ANKRD36: variants seen among roughly 807,000 people sequenced by gnomAD.
The protein encoded by ANKRD36 is ankyrin repeat domain 36.
ANKRD36 carries 179 observed loss-of-function variants against 278.1 expected under a neutral mutation model. The ratio of observed to expected loss-of-function variants is 0.64; its 90% CI spans 0.57 to 0.73. The LOEUF is 0.73. ANKRD36 is among the 30% of genes least tolerant of loss of function. The pLI is 0.00. For missense variants in ANKRD36, 1,159 were observed against 1,956.7 expected, an observed-to-expected ratio of 0.59 and a Z score of 7.69; for synonymous variants, 320 against 641.1, an observed-to-expected ratio of 0.50 and a Z score of 7.57.
intron 6 of ANKRD36, among the ~76,000 whole-genome samples, chr2:97,142,033 T>G (rs2043024725): frequency 6.6e-6 from 1 of 152,278 alleles, no homozygotes; most frequent in African/African-American, 2.4e-5. Context: ...ACAAGAAACT[T>G]GGGCAATTAT....
At chr2:97,191,587 A>G (rs2058524574) in intron 36 of ANKRD36, among the ~76,000 whole-genome samples, 1 of 151,680 alleles carries the variant, frequency 6.6e-6, no homozygotes, top group African/African-American at 2.4e-5. Flanking sequence ...GACACTGTAG[A>G]AGGAGACCTA....
intron 32 of ANKRD36, among the ~76,000 whole-genome samples, chr2:97,188,419 G>A (rs371329217): frequency 6.6e-6 from 1 of 151,600 alleles, no homozygotes. Context: ...GATATATTAT[G>A]CTTTGGTGCC....
chr2:97,122,841 T>A (rs1306043941), intron 3 of ANKRD36, 46 bp from the exon 4 acceptor site: 1 of 1,496,418 alleles, frequency 6.7e-7, no homozygotes, highest in African/African-American at 1.4e-5. Flanking sequence ...GTTCAGTTGA[T>A]AAATATGTAA....
In ANKRD36 at chr2:97,204,734, A is replaced by G. The variant is rs1575866320; in HGVS notation, c.3061+471A>G. Among the ~76,000 whole-genome samples, 5 of 151,788 alleles carry G rather than the reference A, an allele frequency of 3.3e-5. No individual in the cohort carries two copies. In the South Asian group the frequency reaches 1.0e-3, roughly 32 times the overall value. ...AAGGAAGACGGATTGTGAGGCAGGA[A>G]GGTGTGAAAAGAGGAAGTCATTTAT... On this transcript the variant is annotated intron_variant, in intron 50 of 75. Coordinates refer to ENST00000420699, the MANE Select transcript of ANKRD36 (RefSeq NM_001354587.1).
chr2:97,212,716 G>A (rs1316607246), intron 58 of ANKRD36: 1 of 156,078 alleles, frequency 6.4e-6, no homozygotes, highest in Non-Finnish European at 1.4e-5. Context: ...GTCAACATTG[G>A]TAATTGATGA....
At chr2:97,149,938 A>G (rs1161913760) in intron 12 of ANKRD36, among the ~76,000 whole-genome samples, 3 of 151,772 alleles carry the variant, frequency 2.0e-5, no homozygotes, top group Non-Finnish European at 4.4e-5. Flanking sequence ...TTAACTAGAC[A>G]TGGTATCATG....
intron 66 of ANKRD36, among the ~76,000 whole-genome samples, chr2:97,223,223 C>G (rs1285854566): frequency 6.7e-6 from 1 of 150,350 alleles, no homozygotes; most frequent in Non-Finnish European, 1.5e-5. Flanking sequence ...GCCTCAGCCC[C>G]CTGAGTAGCT....
Position 97,134,712 on chromosome 2 carries a change from T to G in ANKRD36, c.799+7578T>G, listed in dbSNP as rs527542042. Among the ~76,000 whole-genome samples the G allele has an allele frequency of 2.6e-4, 40 of 152,092 alleles. No homozygotes were observed. In the East Asian group the frequency reaches 4.2e-3, roughly 16 times the overall value. On this transcript the variant is annotated intron_variant, in intron 6 of 75. Transcript: ENST00000420699. Reference sequence around the variant, plus strand: ...TGTTGTTGTTTTTCCCACTAGGTAGTGAGACAACTGTTGGCACATCTTGGT... The same window carrying G: ...TGTTGTTGTTTTTCCCACTAGGTAGGGAGACAACTGTTGGCACATCTTGGT...
chr2:97,208,862 A>C (rs1408733345), intron 54 of ANKRD36, among the ~76,000 whole-genome samples: 1 of 146,890 alleles, frequency 6.8e-6, no homozygotes, highest in Non-Finnish European at 1.5e-5. Flanking sequence ...GTTGAATTCT[A>C]ATTAACTCCT....
intron 44 of ANKRD36, among the ~76,000 whole-genome samples, chr2:97,199,209 G>T (rs1214364787): frequency 5.8e-4 from 88 of 151,910 alleles, no homozygotes; most frequent in Non-Finnish European, 9.3e-4. Flanking sequence ...CAGATGCATT[G>T]GGAATATTTC....
At position 97,194,897 on chromosome 2, in the gene ANKRD36, A is replaced by G. The variant is rs1351345620; in HGVS notation, c.2531A>G (p.Asp844Gly). ...TCGAATATAACCAGAGGAAAAAAGGATGGAGAAATATCTAGGAAAGGTAAT... is the reference window on the plus strand; with the variant it reads ...TCGAATATAACCAGAGGAAAAAAGGGTGGAGAAATATCTAGGAAAGGTAAT... ...SFSNITRGKK[D>G]GEISRKVSSQ... The change falls in exon 40 of 76, where the codon GAT (aspartate) becomes GGT (glycine). Residue 844 changes from aspartate (D) to glycine (G), a missense_variant. Physicochemically the swap from Asp to Gly is moderately conservative, Grantham distance 94. Transcript: ENST00000420699. 2 of 1,558,424 alleles carry G rather than the reference A, an allele frequency of 1.3e-6. No individual in the cohort carries two copies. Among genetic ancestry groups the G allele is most frequent in the Non-Finnish European group, 1.7e-6 (2 of 1,156,306 alleles).
rs1408972855 is a variant in ANKRD36 at position 97,218,842 on chromosome 2, C to CT, written c.3776-206dup. Among the ~76,000 whole-genome samples the CT allele has an allele frequency of 2.4e-5, 3 of 125,484 alleles. No individual in the cohort carries two copies. The East Asian group carries it at 9.7e-4, about 40-fold the overall frequency. The allele number at this position is 125,484 out of a possible 152,430, so 82.3% of individuals were successfully genotyped here. On this transcript the variant is annotated intron_variant, in intron 64 of 75. Transcript: ENST00000420699. Reference sequence around the variant, plus strand: ...TGTGGTGCATAATCTCACTTTTTAACTTGTAACTGTATGTTTTGAAGCTTG... The same window carrying CT: ...TGTGGTGCATAATCTCACTTTTTAACTTTGTAACTGTATGTTTTGAAGCTTG...
At chr2:97,248,551 CTTG>C (rs879631278) in intron 72 of ANKRD36, 147 of 121,576 alleles carry the variant, frequency 1.2e-3, no homozygotes, top group Middle Eastern at 3.6e-3. Flanking sequence ...TTTAAATTTT[CTTG>C]TTGTTTCCCT....
chr2:97,240,990 T>G (rs1446639294), intron 68 of ANKRD36, among the ~76,000 whole-genome samples: 10 of 97,238 alleles, frequency 1.0e-4, no homozygotes, highest in East Asian at 7.5e-4. Context: ...ATGTTTTTTT[T>G]TTTTTTTTTT....
intron 22 of ANKRD36, among the ~76,000 whole-genome samples, chr2:97,177,950 G>T (rs1276896000): frequency 2.0e-5 from 3 of 148,896 alleles, no homozygotes. Flanking sequence ...CTAATATCCA[G>T]AATCTACAAT....
intron 26 of ANKRD36, among the ~76,000 whole-genome samples, chr2:97,182,780 A>G (rs2056547666): frequency 6.6e-6 from 1 of 151,560 alleles, no homozygotes; most frequent in Admixed American, 6.6e-5. Context: ...GATAAGGTTT[A>G]TGTATTATAT....
chr2:97,222,591 C>G (rs78083192), intron 66 of ANKRD36, among the ~76,000 whole-genome samples: 3,208 of 152,050 alleles, frequency 0.021, 108 homozygotes, highest in African/African-American at 0.067. Flanking sequence ...ATGTCGAGCA[C>G]CTTTCCATAT....
intron 22 of ANKRD36, among the ~76,000 whole-genome samples, chr2:97,172,038 C>T (rs2052707810): frequency 6.6e-6 from 1 of 151,932 alleles, no homozygotes; most frequent in African/African-American, 2.4e-5. Flanking sequence ...GTAGACACAG[C>T]CTTTTAAGAC....
At chr2:97,169,290 A>C (rs1288971392) in intron 22 of ANKRD36, among the ~76,000 whole-genome samples, 1 of 152,304 alleles carries the variant, frequency 6.6e-6, no homozygotes, top group Non-Finnish European at 1.5e-5. Flanking sequence ...CTTTTTGATG[A>C]GGTTGTTTGT....
Sources: gnomAD v4.1 joint callset for allele counts (sites outside exome capture counted in the v4.1 genomes callset) on GRCh38, gnomAD v4.1.1 for gene constraint, MANE v1.5 for transcripts, NCBI Gene and HGNC (gene_info 2026-07-23, HGNC 2026-07-21) for gene names.